REEP3: variants seen among roughly 807,000 people sequenced by gnomAD.
REEP3 encodes receptor accessory protein 3.
A neutral mutation model predicts 41.3 loss-of-function variants in REEP3; 20 were observed. That is an observed-to-expected ratio of 0.48 (90% CI 0.34 to 0.70). REEP3 has a LOEUF of 0.70. REEP3 is among the 30% of genes least tolerant of loss of function. The pLI, the probability that REEP3 is intolerant of heterozygous loss-of-function variation, is 0.01. For synonymous variants in REEP3, 104 were observed against 101.8 expected (o/e 1.02, Z -0.13); for missense variants, 271 against 308.8 (o/e 0.88, Z 0.92).
Position 63,622,659 on chromosome 10 carries a change from G to A in REEP3, c.*1790G>A, listed in dbSNP as rs1456167847. 6.8e-6 allele frequency: 1 copy of A among 148,026 alleles called. No individual in the cohort carries two copies. Among genetic ancestry groups the A allele is most frequent in the East Asian group, 2.0e-4 (1 of 4,964 alleles). The allele number at this position is 148,026 out of a possible 1,614,324, so 9.2% of individuals were successfully genotyped here. A position where few individuals can be genotyped will look rare whatever the true frequency, so the allele number is the denominator to read the frequency against. ...ATCTGAAGTTGCCTAATAAGGTCAT[G>A]TGAGTCAAGAACTTTATCTGTGGGA... is the stretch of plus-strand genomic sequence containing the variant. On this transcript the variant is annotated 3_prime_UTR_variant, in exon 8 of 8. Transcript: ENST00000373758.
At position 63,622,905 on chromosome 10, in the gene REEP3, C is replaced by G. The variant is rs1956365722; in HGVS notation, c.*2036C>G. 6.6e-6 allele frequency: 1 copy of G among 151,910 alleles called. No individual in the cohort carries two copies. Among genetic ancestry groups the G allele is most frequent in the Non-Finnish European group, 1.5e-5 (1 of 67,972 alleles). 9.4% of individuals were successfully genotyped at this position (151,910 alleles called of 1,614,324 possible). A position where few individuals can be genotyped will look rare whatever the true frequency, so the allele number is the denominator to read the frequency against. On this transcript the variant is annotated 3_prime_UTR_variant, in exon 8 of 8. Transcript: ENST00000373758. ...TCTTTTTAGTAGAGACAGGGTTTAA[C>G]CATGTTGCCCAGGATGGTCTCCATC... is the stretch of plus-strand genomic sequence containing the variant.
At chr10:63,543,849 C>T (rs558030054) in intron 1 of REEP3, among the ~76,000 whole-genome samples, 1 of 152,128 alleles carries the variant, frequency 6.6e-6, no homozygotes, top group South Asian at 2.1e-4. Context: ...AAATGTGTAC[C>T]GTGTGCCTGG....
At chr10:63,585,481 G>A (rs1429710301) in intron 2 of REEP3, among the ~76,000 whole-genome samples, 1 of 152,122 alleles carries the variant, frequency 6.6e-6, no homozygotes, top group South Asian at 2.1e-4. Context: ...ATCAGACATT[G>A]TGCTGGTAAT....
chr10:63,535,796 TAAAAA>T (rs1955468588), intron 1 of REEP3, among the ~76,000 whole-genome samples: 1 of 152,034 alleles, frequency 6.6e-6, no homozygotes, highest in African/African-American at 2.4e-5. Flanking sequence ...AAAAAAAAAT[TAAAAA>T]ATAAAGATCT....
At chr10:63,547,045 C>T (rs999553382) in intron 1 of REEP3, among the ~76,000 whole-genome samples, 10 of 152,104 alleles carry the variant, frequency 6.6e-5, no homozygotes, top group African/African-American at 1.9e-4. Flanking sequence ...CCTCAGCCTC[C>T]CAAGTAGCTG....
At chr10:63,612,500 A>T (rs1198043353) in intron 6 of REEP3, among the ~76,000 whole-genome samples, 1 of 152,118 alleles carries the variant, frequency 6.6e-6, no homozygotes, top group East Asian at 1.9e-4. Context: ...TATGCATTTA[A>T]AATTAGGTGG....
intron 2 of REEP3, among the ~76,000 whole-genome samples, chr10:63,586,204 G>A (rs546052449): frequency 3.9e-5 from 6 of 152,144 alleles, no homozygotes; most frequent in Non-Finnish European, 8.8e-5. Context: ...GTGAAGCTAA[G>A]AACTCTATCA....
chr10:63,525,969 T>G (rs1955360623), intron 1 of REEP3, among the ~76,000 whole-genome samples: 1 of 152,246 alleles, frequency 6.6e-6, no homozygotes, highest in African/African-American at 2.4e-5. Context: ...CTATATGTAA[T>G]GTCCATAGTC....
chr10:63,575,424 T>C (rs1955890033), intron 2 of REEP3, among the ~76,000 whole-genome samples: 1 of 152,238 alleles, frequency 6.6e-6, no homozygotes, highest in Non-Finnish European at 1.5e-5. Flanking sequence ...AATCTGGGAA[T>C]CCTTTTTCCT....
chr10:63,588,719 T>C (rs1033893349), intron 2 of REEP3, among the ~76,000 whole-genome samples: 4 of 152,322 alleles, frequency 2.6e-5, no homozygotes, highest in Non-Finnish European at 5.9e-5. Flanking sequence ...CAAATATTTG[T>C]TAGATGTGCT....
chr10:63,558,782 G>GTTGTA (rs1464308602), intron 1 of REEP3, among the ~76,000 whole-genome samples: 3 of 152,090 alleles, frequency 2.0e-5, no homozygotes, highest in Non-Finnish European at 4.4e-5. Flanking sequence ...AGGCTGGAGT[G>GTTGTA]TTGTATTTTG....
intron 1 of REEP3, among the ~76,000 whole-genome samples, chr10:63,535,600 A>C (rs1955466662): frequency 6.6e-6 from 1 of 152,198 alleles, no homozygotes; most frequent in African/African-American, 2.4e-5. Context: ...GATTTATTAT[A>C]ATGTAGGAAT....
Position 63,597,177 on chromosome 10 carries a change from A to G in REEP3, c.183-847A>G, listed in dbSNP as rs115783057. Among the ~76,000 whole-genome samples, 1,430 of 152,292 alleles carry G rather than the reference A, an allele frequency of 9.4e-3. 24 individuals carry two copies. Among genetic ancestry groups the G allele is most frequent in the African/African-American group, 0.032 (1,343 of 41,564 alleles). ...GGGCCAACGGGGGAGGCCCACTGTA[A>G]CACTTTGTATTTTCCTTGGAAGTGA... On this transcript the variant is annotated intron_variant, in intron 3 of 7. Coordinates refer to ENST00000373758, the MANE Select transcript of REEP3 (RefSeq NM_001001330.3).
intron 5 of REEP3, among the ~76,000 whole-genome samples, chr10:63,603,141 A>G (rs760122668): frequency 2.0e-5 from 3 of 151,580 alleles, no homozygotes; most frequent in African/African-American, 4.9e-5. Context: ...GTGAAACCCC[A>G]TCTCTACTAA....
chr10:63,610,138 A>T (rs1049636534), intron 5 of REEP3, 49 bp from the exon 6 acceptor site: 5 of 1,478,990 alleles, frequency 3.4e-6, no homozygotes, highest in African/African-American at 1.4e-5. Context: ...AGTTAAATGT[A>T]AGCATACTAA....
At chr10:63,580,001 C>T (rs968716300) in intron 2 of REEP3, among the ~76,000 whole-genome samples, 1 of 152,078 alleles carries the variant, frequency 6.6e-6, no homozygotes, top group Non-Finnish European at 1.5e-5. Context: ...AATTTCCACA[C>T]AGGAGAAATA....
chr10:63,588,009 A>T (rs1956023618), intron 2 of REEP3, among the ~76,000 whole-genome samples: 1 of 152,200 alleles, frequency 6.6e-6, no homozygotes, highest in African/African-American at 2.4e-5. Flanking sequence ...CATTGGTCAT[A>T]GTCTGTTCCA....
intron 1 of REEP3, among the ~76,000 whole-genome samples, chr10:63,528,693 C>T (rs892950171): frequency 3.9e-5 from 6 of 152,192 alleles, no homozygotes; most frequent in African/African-American, 1.4e-4. Flanking sequence ...TTTGTCTCTA[C>T]CTGCCCGCTG....
chr10:63,536,356 A>G (rs1410042238), intron 1 of REEP3, among the ~76,000 whole-genome samples: 3 of 152,240 alleles, frequency 2.0e-5, no homozygotes, highest in African/African-American at 7.2e-5. Context: ...TATTATCCAC[A>G]GTGGTGGTTG....
Sources: allele counts gnomAD v4.1 joint callset (sites outside exome capture counted in the v4.1 genomes callset), GRCh38; gene constraint gnomAD v4.1.1; transcripts MANE v1.5; gene names NCBI Gene and HGNC (gene_info 2026-07-23, HGNC 2026-07-21).